The following DNAJC5 variants were observed in gnomAD, a reference collection of about 807,000 sequenced individuals.
DNAJC5 encodes the protein dnaJ homolog subfamily C member 5.
DNAJC5 carries 1 observed loss-of-function variant against 23.2 expected under a neutral mutation model. The observed-to-expected ratio is 0.04, with a 90% CI of 0.02 to 0.20. The LOEUF is 0.20. DNAJC5 is among the 10% of genes least tolerant of loss of function. The pLI, the probability that DNAJC5 is intolerant of heterozygous loss-of-function variation, is 1.00. For missense variants in DNAJC5, 180 were observed against 267.0 expected (o/e 0.67, Z 2.27); for synonymous variants, 136 against 120.0 (o/e 1.13, Z -0.87).
chr20:63,928,527 C>A lies in DNAJC5; in HGVS notation c.107+75C>A. 1 of 1,266,902 alleles carries A rather than the reference C, an allele frequency of 7.9e-7. No homozygotes were observed. The highest frequency in any genetic ancestry group is 1.2e-6 in the Non-Finnish European group (1 of 868,346). The allele number at this position is 1,266,902 out of a possible 1,614,324, so 78.5% of individuals were successfully genotyped here. ...CCCGTGTGGTTTAGTCTGCATTTTA[C>A]CAAGAACCATTGCACATACTTTATC... is the stretch of plus-strand genomic sequence containing the variant. On this transcript the variant is annotated intron_variant, in intron 2 of 4. Transcript: ENST00000360864. This position sits in a 1 kb window ranked among gnomAD's most constrained non-coding sequence, Gnocchi z 4.6.
intron 1 of DNAJC5, among the ~76,000 whole-genome samples, chr20:63,900,556 G>A (rs1600858628): frequency 2.6e-5 from 3 of 117,120 alleles, no homozygotes; most frequent in South Asian, 5.9e-4. Context: ...CAGCCTGGGC[G>A]ACAGAGCAAG....
chr20:63,929,744 C>T lies in DNAJC5; in HGVS notation c.321+219C>T, dbSNP rs1258105884. ...ACTCCTGCCGTGCGGGCACCCGAGT[C>T]TCTCCTGCCATGTGGGCACCCGGGT... On this transcript the variant is annotated intron_variant, in intron 3 of 4. Transcript: ENST00000360864. The surrounding 1 kb of genome is among the most constrained non-coding windows in gnomAD (Gnocchi z 8.6). 6.6e-6 allele frequency among the ~76,000 whole-genome samples: 1 copy of T among 152,124 alleles called. No homozygotes were observed. Among genetic ancestry groups the T allele is most frequent in the Non-Finnish European group, 1.5e-5 (1 of 68,012 alleles).
rs1397758137 is a variant in DNAJC5, at chr20:63,920,034, T to C, written c.-11-8301T>C. ...CGCCACGGAAGAGGACGCACCCGGC[T>C]GTGTGGACATGTGCCCAGGGCCCGG... is the stretch of plus-strand genomic sequence containing the variant. On this transcript the variant is annotated intron_variant, in intron 1 of 4. Coordinates refer to ENST00000360864, the MANE Select transcript of DNAJC5 (RefSeq NM_025219.3). The surrounding 1 kb of genome is among the most constrained non-coding windows in gnomAD (Gnocchi z 4.6). The C allele has an allele frequency of 1.3e-5, 5 of 375,708 alleles. No homozygotes were observed. Among genetic ancestry groups the C allele is most frequent in the Non-Finnish European group, 2.0e-5 (4 of 196,894 alleles). The allele number at this position is 375,708 out of a possible 1,614,324, so 23.3% of individuals were successfully genotyped here.
At chr20:63,914,550 C>G (rs1020613505) in intron 1 of DNAJC5, among the ~76,000 whole-genome samples, 1 of 151,640 alleles carries the variant, frequency 6.6e-6, no homozygotes, top group African/African-American at 2.4e-5. Context: ...ATCTCCTGAC[C>G]TCGTGATCCA....
intron 1 of DNAJC5, among the ~76,000 whole-genome samples, chr20:63,906,049 T>C (rs1013825821): frequency 6.6e-6 from 1 of 152,136 alleles, no homozygotes; most frequent in African/African-American, 2.4e-5. Context: ...TTTTTTTTAA[T>C]TAAGGAAAAT....
intron 1 of DNAJC5, among the ~76,000 whole-genome samples, chr20:63,905,185 G>A (rs184850831): frequency 1.3e-4 from 19 of 147,582 alleles, no homozygotes; most frequent in Admixed American, 1.2e-3. Context: ...GCACGATCTC[G>A]GCTCACTGCA....
At chr20:63,908,336 A>G (rs1256392849) in intron 1 of DNAJC5, among the ~76,000 whole-genome samples, 1 of 152,132 alleles carries the variant, frequency 6.6e-6, no homozygotes, top group Non-Finnish European at 1.5e-5. Context: ...AACGTTTCAG[A>G]GCGGGTTCCC....
intron 1 of DNAJC5, among the ~76,000 whole-genome samples, chr20:63,923,280 G>A (rs763284808): frequency 6.6e-6 from 1 of 151,622 alleles, no homozygotes; most frequent in African/African-American, 2.4e-5. Flanking sequence ...TGTCTCTATA[G>A]AAAATTTTAA....
rs2146293835 is a variant in DNAJC5 at position 63,920,817 on chromosome 20, A to G, written c.-11-7518A>G. Among the ~76,000 whole-genome samples, 1 of 152,230 alleles carries G rather than the reference A, an allele frequency of 6.6e-6. No individual in the cohort carries two copies. The highest frequency in any genetic ancestry group is 2.1e-4 in the South Asian group (1 of 4,826). On this transcript the variant is annotated intron_variant, in intron 1 of 4. Coordinates refer to ENST00000360864, the MANE Select transcript of DNAJC5 (RefSeq NM_025219.3). This position sits in a 1 kb window ranked among gnomAD's most constrained non-coding sequence, Gnocchi z 4.6. ...CTCAGCCTCCTGAGTAGCTGGGATT[A>G]CAGGTGTGTGCCACCACACCCAGTT...
intron 1 of DNAJC5, chr20:63,919,381 C>A (rs567125908): frequency 1.2e-5 from 6 of 515,408 alleles, no homozygotes; most frequent in Non-Finnish European, 2.3e-5. Context: ...GGGGAGAGGA[C>A]GCACCCGGCT....
At chr20:63,899,608 G>A (rs2053396480) in intron 1 of DNAJC5, among the ~76,000 whole-genome samples, 1 of 152,196 alleles carries the variant, frequency 6.6e-6, no homozygotes, top group Admixed American at 6.5e-5. Context: ...TTGAGACGGA[G>A]TCTCATTCTC....
At chr20:63,904,372 A>G (rs2053433851) in intron 1 of DNAJC5, among the ~76,000 whole-genome samples, 1 of 152,178 alleles carries the variant, frequency 6.6e-6, no homozygotes, top group South Asian at 2.1e-4. Flanking sequence ...CAGGTTGGGT[A>G]ACCCTAACTG....
chr20:63,920,544 C>T lies in DNAJC5; in HGVS notation c.-11-7791C>T, dbSNP rs1215967530. On this transcript the variant is annotated intron_variant, in intron 1 of 4. Transcript: ENST00000360864. The surrounding 1 kb of genome is among the most constrained non-coding windows in gnomAD (Gnocchi z 4.6). ...GGTCCCCGCCATTTCAGAAGCTCAGCGTCCCTGCACGTGTGCGGTCTTGTC... is the reference window on the plus strand; with the variant it reads ...GGTCCCCGCCATTTCAGAAGCTCAGTGTCCCTGCACGTGTGCGGTCTTGTC... Among the ~76,000 whole-genome samples, 3 of 152,246 alleles carry T rather than the reference C, an allele frequency of 2.0e-5. No individual in the cohort carries two copies. The highest frequency in any genetic ancestry group is 4.1e-4 in the South Asian group (2 of 4,832).
Position 63,929,348 on chromosome 20 carries a change from C to T in DNAJC5, c.144C>T (p.Pro48=), listed in dbSNP as rs113987077. ...LALKYHPDKN[P]DNPEAADKFK... ...TGAAATATCACCCCGACAAGAACCC[C>T]GACAACCCGGAGGCCGCGGACAAGT... is the stretch of plus-strand genomic sequence containing the variant. The change falls in exon 3 of 5, where the codon CCC becomes CCT. Residue 48 remains proline, a synonymous_variant. Transcript: ENST00000360864. This position sits in a 1 kb window ranked among gnomAD's most constrained non-coding sequence, Gnocchi z 8.6. 8.5e-3 allele frequency: 13,648 copies of T among 1,614,020 alleles called. 1,180 individuals carry two copies. The Admixed American group carries it at 0.17, about 20-fold the overall frequency.
chr20:63,920,136 C>A lies in DNAJC5; in HGVS notation c.-11-8199C>A, dbSNP rs568057329. Among the ~76,000 whole-genome samples the A allele has an allele frequency of 7.6e-6, 1 of 132,202 alleles. No individual in the cohort carries two copies. Among genetic ancestry groups the A allele is most frequent in the African/African-American group, 2.9e-5 (1 of 34,082 alleles). 86.7% of individuals were successfully genotyped at this position (132,202 alleles called of 152,430 possible). A position where few individuals can be genotyped will look rare whatever the true frequency, so the allele number is the denominator to read the frequency against. ...CCCGGGACAGCGCCACGGAAGAGGA[C>A]GCACAGGACAGCGCCACGGAAGAGG... On this transcript the variant is annotated intron_variant, in intron 1 of 4. Coordinates refer to ENST00000360864, the MANE Select transcript of DNAJC5 (RefSeq NM_025219.3). The surrounding 1 kb of genome is among the most constrained non-coding windows in gnomAD (Gnocchi z 4.6).
intron 1 of DNAJC5, among the ~76,000 whole-genome samples, chr20:63,911,488 C>A (rs1031280963): frequency 3.9e-5 from 6 of 152,186 alleles, no homozygotes; most frequent in African/African-American, 1.4e-4. Flanking sequence ...CGGGCGCTGC[C>A]ATGGCTCCAG....
At position 63,929,177 on chromosome 20, in the gene DNAJC5, A is replaced by G. The variant is rs1218570087; in HGVS notation, c.108-135A>G. The G allele has an allele frequency of 1.6e-5, 16 of 1,019,440 alleles. No homozygotes were observed. The highest frequency in any genetic ancestry group is 2.4e-5 in the Non-Finnish European group (16 of 669,034). 63.1% of individuals were successfully genotyped at this position (1,019,440 alleles called of 1,614,324 possible). ...GTCCCTGGCCCCTGCAGCCCTGGAGAGTCGGACAGTGAGGTGGCCTGGGTG... is the reference window on the plus strand; with the variant it reads ...GTCCCTGGCCCCTGCAGCCCTGGAGGGTCGGACAGTGAGGTGGCCTGGGTG... On this transcript the variant is annotated intron_variant, in intron 2 of 4. Transcript: ENST00000360864. This position sits in a 1 kb window ranked among gnomAD's most constrained non-coding sequence, Gnocchi z 8.6.
At chr20:63,912,572 CCTGT>C (rs2053489012) in intron 1 of DNAJC5, among the ~76,000 whole-genome samples, 1 of 152,172 alleles carries the variant, frequency 6.6e-6, no homozygotes, top group Admixed American at 6.5e-5. Context: ...GCCTGACCTA[CCTGT>C]CTGAGTATCC....
chr20:63,921,419 G>A (rs56376711), intron 1 of DNAJC5, among the ~76,000 whole-genome samples: 4 of 151,978 alleles, frequency 2.6e-5, no homozygotes, highest in South Asian at 4.2e-4. Context: ...GTGAAACCCC[G>A]TCTCTACTAA....
Sources: allele counts gnomAD v4.1 joint callset (sites outside exome capture counted in the v4.1 genomes callset), GRCh38; gene constraint gnomAD v4.1.1; non-coding constraint Gnocchi (gnomAD v3.1); transcripts MANE v1.5; gene names NCBI Gene and HGNC (gene_info 2026-07-23, HGNC 2026-07-21).